The following SNX24 variants were observed in gnomAD, a reference collection of about 807,000 sequenced individuals.
SNX24 encodes the protein sorting nexin 24.
In SNX24, 22 loss-of-function variants were observed where a neutral mutation model predicts 28.7. The observed-to-expected ratio is 0.77, with a 90% confidence interval of 0.55 to 1.10. The LOEUF is 1.10. Among genes scored for constraint, SNX24 ranks in the 50% least tolerant of loss-of-function variants. The probability of loss-of-function intolerance (pLI) is 0.00; values close to 1 mark genes in which losing one functional copy is unlikely to be tolerated. For missense variants in SNX24, 221 were observed against 201.1 expected (o/e 1.10, Z -0.60); for synonymous variants, 69 against 71.5 (o/e 0.96, Z 0.18).
intron 1 of SNX24, among the ~76,000 whole-genome samples, chr5:122,908,767 A>G (rs1407224815): frequency 2.0e-5 from 3 of 152,238 alleles, no homozygotes; most frequent in Admixed American, 2.0e-4. Context: ...AGTAAAAGGA[A>G]GAAGAGGACT....
In SNX24 at chr5:122,961,586, T is replaced by G. The variant is rs548317199; in HGVS notation, c.249+15427T>G. On this transcript the variant is annotated intron_variant, in intron 3 of 6. Coordinates refer to ENST00000261369, the MANE Select transcript of SNX24 (RefSeq NM_014035.4). ...AGTGATTTTATTGATCGATACAGAC[T>G]CAATGTAACGGGGGCAGATTATTTT... Among the ~76,000 whole-genome samples, 115 of 152,318 alleles carry G rather than the reference T, an allele frequency of 7.5e-4. 1 individual carries two copies. Among genetic ancestry groups the G allele is most frequent in the African/African-American group, 2.6e-3 (109 of 41,568 alleles).
chr5:122,992,964 CTT>C (rs35758148), intron 3 of SNX24, among the ~76,000 whole-genome samples: 22 of 143,494 alleles, frequency 1.5e-4, no homozygotes, highest in South Asian at 4.6e-4. Flanking sequence ...AAATGTATTC[CTT>C]TTTTTTTTTT....
chr5:122,955,295 A>C (rs1760154945), intron 3 of SNX24, among the ~76,000 whole-genome samples: 1 of 151,974 alleles, frequency 6.6e-6, no homozygotes, highest in African/African-American at 2.4e-5. Flanking sequence ...GTTTTGTTTC[A>C]AATGTATTTA....
intron 3 of SNX24, among the ~76,000 whole-genome samples, chr5:122,960,587 T>G (rs1042853222): frequency 6.6e-6 from 1 of 152,234 alleles, no homozygotes; most frequent in Non-Finnish European, 1.5e-5. Flanking sequence ...GCAGTTAATA[T>G]TCTTTTAGGG....
intron 1 of SNX24, among the ~76,000 whole-genome samples, chr5:122,918,461 A>G (rs188525800): frequency 3.3e-5 from 5 of 152,292 alleles, no homozygotes; most frequent in Admixed American, 3.3e-4. Context: ...TGGAAAGATA[A>G]TTTGCTTTAT....
chr5:122,871,899 A>G lies in SNX24; in HGVS notation c.60+26206A>G, dbSNP rs116021407. On this transcript the variant is annotated intron_variant, in intron 1 of 6. Transcript: ENST00000261369. ...ATTCTGGCATCGTGACTAGTCAGGG[A>G]ACTTGTGCAAGTCATTTAACTTCCC... 5.6e-3 allele frequency among the ~76,000 whole-genome samples: 848 copies of G among 152,228 alleles called. 11 individuals are homozygous for G. The highest frequency in any genetic ancestry group is 0.018 in the African/African-American group (767 of 41,526).
downstream of SNX24, among the ~76,000 whole-genome samples, chr5:123,013,872 A>G (rs370761493): frequency 7.9e-5 from 12 of 152,166 alleles, no homozygotes; most frequent in African/African-American, 2.4e-4. Context: ...TAAGTTCTTT[A>G]CAGAGTAGTT....
intron 1 of SNX24, among the ~76,000 whole-genome samples, chr5:122,930,626 A>G (rs1439467131): frequency 6.6e-6 from 1 of 152,146 alleles, no homozygotes; most frequent in African/African-American, 2.4e-5. Context: ...AGCTTAAGAA[A>G]GTTGGATTTC....
In SNX24 at chr5:122,904,192, T is replaced by C. The variant is rs368772192; in HGVS notation, c.61-32542T>C. Among the ~76,000 whole-genome samples, 24 of 152,020 alleles carry C rather than the reference T, an allele frequency of 1.6e-4. No individual in the cohort carries two copies. In the East Asian group the frequency reaches 4.4e-3, roughly 28 times the overall value. ...ACCTAGTCTTTTTTTTTTGTTTTCT[T>C]TTTTTTTGAGATGGAGTTTCACTCT... On this transcript the variant is annotated intron_variant, in intron 1 of 6. Coordinates refer to ENST00000261369, the MANE Select transcript of SNX24 (RefSeq NM_014035.4).
chr5:122,972,502 G>A (rs1460850424), intron 3 of SNX24, among the ~76,000 whole-genome samples: 7 of 152,178 alleles, frequency 4.6e-5, no homozygotes, highest in African/African-American at 9.7e-5. Flanking sequence ...TCAAAAGGCC[G>A]TTACATCGTT....
At chr5:122,948,523 A>C (rs1759793593) in intron 3 of SNX24, 1 of 152,228 alleles carries the variant, frequency 6.6e-6, no homozygotes, top group Admixed American at 6.5e-5. Flanking sequence ...TCCTTCAGCT[A>C]TTTCACAATC....
Position 122,846,957 on chromosome 5 carries a change from C to CTT in SNX24, c.60+1277_60+1278dup, listed in dbSNP as rs34047045. On this transcript the variant is annotated intron_variant, in intron 1 of 6. Transcript: ENST00000261369. ...AACAAACCCTCGAGTTTGTTCAAGG[C>CTT]TTTTTTTTTTTTTTCTTGGAGATTT... Among the ~76,000 whole-genome samples, 181 of 141,474 alleles carry CTT rather than the reference C, an allele frequency of 1.3e-3. 1 individual carries two copies. The highest frequency in any genetic ancestry group is 4.3e-3 in the African/African-American group (166 of 38,712). The allele number at this position is 141,474 out of a possible 152,430, so 92.8% of individuals were successfully genotyped here. A position where few individuals can be genotyped will look rare whatever the true frequency, so the allele number is the denominator to read the frequency against.
intron 1 of SNX24, among the ~76,000 whole-genome samples, chr5:122,866,560 G>T (rs930652768): frequency 4.6e-5 from 7 of 152,306 alleles, no homozygotes; most frequent in African/African-American, 1.7e-4. Flanking sequence ...CTTCATTCCT[G>T]AAGGGTCTGG....
chr5:122,851,440 T>TAC (rs1460386635), intron 1 of SNX24, among the ~76,000 whole-genome samples: 3 of 152,206 alleles, frequency 2.0e-5, no homozygotes, highest in Non-Finnish European at 4.4e-5. Context: ...GTGCTGGGAT[T>TAC]ACAGGCATGA....
intron 1 of SNX24, among the ~76,000 whole-genome samples, chr5:122,896,873 C>G (rs112642236): frequency 2.6e-5 from 4 of 152,310 alleles, no homozygotes; most frequent in African/African-American, 9.6e-5. Context: ...AAACATTGAT[C>G]TTAGTAAGGT....
At chr5:122,863,911 A>T (rs246305) in intron 1 of SNX24, among the ~76,000 whole-genome samples, 88,084 of 151,222 alleles carry the variant, frequency 0.58, 25,888 homozygotes, top group African/African-American at 0.65. Context: ...ATTCAGTGGC[A>T]CTGTTCCCAG....
chr5:122,883,175 G>A (rs777974306), intron 1 of SNX24, among the ~76,000 whole-genome samples: 1 of 152,222 alleles, frequency 6.6e-6, no homozygotes, highest in Non-Finnish European at 1.5e-5. Context: ...GAAATTACAC[G>A]CAGAATCTTA....
intron 1 of SNX24, among the ~76,000 whole-genome samples, chr5:122,875,829 G>C (rs561981924): frequency 1.3e-5 from 2 of 152,250 alleles, no homozygotes; most frequent in Admixed American, 1.3e-4. Flanking sequence ...TGCTCTTAGC[G>C]CCCAGGCTGG....
At chr5:122,856,791 C>T (rs1561511010) in intron 1 of SNX24, among the ~76,000 whole-genome samples, 1 of 152,002 alleles carries the variant, frequency 6.6e-6, no homozygotes, top group Non-Finnish European at 1.5e-5. Context: ...GCTGGGAATA[C>T]AGGCATGAGC....
Sources: allele counts gnomAD v4.1 joint callset (sites outside exome capture counted in the v4.1 genomes callset), GRCh38; gene constraint gnomAD v4.1.1; transcripts MANE v1.5; gene names NCBI Gene and HGNC (gene_info 2026-07-23, HGNC 2026-07-21).